Variants in ANXA6 observed in about 807,000 individuals in gnomAD.
ANXA6 encodes 67 kDa calelectrin.
ANXA6 carries 71 observed loss-of-function variants against 95.4 expected under a neutral mutation model. The observed-to-expected ratio is 0.74, with a 90% CI of 0.61 to 0.91. The LOEUF (loss-of-function observed/expected upper bound fraction) is 0.91. Among genes scored for constraint, ANXA6 ranks in the 40% least tolerant of loss-of-function variants. ANXA6 has a pLI of 0.00. For missense variants in ANXA6, 830 were observed against 876.4 expected (o/e 0.95, Z 0.67); for synonymous variants, 289 against 315.9 (o/e 0.91, Z 0.90).
chr5:151,138,864 A>C, intron 4 of ANXA6, 73 bp from the exon 5 acceptor site: 1 of 1,037,284 alleles, frequency 9.6e-7, no homozygotes, highest in Non-Finnish European at 1.5e-6. Context: ...AATTACACTT[A>C]ATGAGCACTT....
intron 4 of ANXA6, 150 bp downstream of exon 4, chr5:151,139,203 C>T: frequency 1.6e-6 from 1 of 622,228 alleles, no homozygotes; most frequent in Non-Finnish European, 2.8e-6. Flanking sequence ...GAAAGACGCC[C>T]AGCTGATGAG....
intron 22 of ANXA6, among the ~76,000 whole-genome samples, chr5:151,109,046 C>A (rs780911456): frequency 2.6e-5 from 4 of 152,100 alleles, no homozygotes; most frequent in African/African-American, 9.7e-5. Flanking sequence ...ACAATCATCT[C>A]GGGTAGAGCT....
intron 8 of ANXA6, 68 bp downstream of exon 8, chr5:151,134,359 G>T: frequency 6.5e-7 from 1 of 1,537,006 alleles, no homozygotes; most frequent in Non-Finnish European, 9.0e-7. Flanking sequence ...CCCTTCCCAG[G>T]GCCCCAACCT....
At chr5:151,156,259 T>C (rs556822448) in intron 1 of ANXA6, among the ~76,000 whole-genome samples, 13 of 152,270 alleles carry the variant, frequency 8.5e-5, no homozygotes, top group African/African-American at 3.1e-4. Flanking sequence ...TCCTAGAATG[T>C]CTGCACTGGC....
chr5:151,119,412 G>T (rs758931269), intron 17 of ANXA6, 22 bp from the exon 18 acceptor site: 4 of 1,609,242 alleles, frequency 2.5e-6, no homozygotes, highest in Non-Finnish European at 3.4e-6. Flanking sequence ...AGGCAAAGAT[G>T]ATCTCAGCCA....
chr5:151,111,868 A>G (rs1764859452), intron 20 of ANXA6, among the ~76,000 whole-genome samples: 1 of 152,062 alleles, frequency 6.6e-6, no homozygotes, highest in South Asian at 2.1e-4. Flanking sequence ...AGCTCACTGC[A>G]ACCTCCACCT....
At chr5:151,114,741 G>A (rs1475787792) in intron 20 of ANXA6, among the ~76,000 whole-genome samples, 1 of 150,218 alleles carries the variant, frequency 6.7e-6, no homozygotes, top group Non-Finnish European at 1.5e-5. Context: ...TTGGACAACA[G>A]AGTGAAAGGG....
chr5:151,128,686 T>A (rs1179206477), intron 12 of ANXA6, among the ~76,000 whole-genome samples: 1 of 152,202 alleles, frequency 6.6e-6, no homozygotes, highest in African/African-American at 2.4e-5. Context: ...ATTACACAGA[T>A]GCACATATCC....
chr5:151,119,323 G>A lies in ANXA6; in HGVS notation c.1415C>T (p.Ala472Val). ...ACCCTCCTTATAGGCCTCATTGATG[G>A]CCCGGATTTCAGCATTGGTCCGAGT... ...LATRTNAEIR[A>V]INEAYKEDYH... Residue 472 changes from alanine to valine, a missense_variant, in exon 18 of 26, where the codon GCC (alanine) becomes GTC (valine). Physicochemically the swap from Ala to Val is moderately conservative, Grantham distance 64. Coordinates refer to ENST00000354546, the MANE Select transcript of ANXA6 (RefSeq NM_001155.5). 1 of 1,613,382 alleles carries A rather than the reference G, an allele frequency of 6.2e-7. No individual in the cohort carries two copies. Among genetic ancestry groups the A allele is most frequent in the Non-Finnish European group, 8.5e-7 (1 of 1,179,838 alleles).
intron 2 of ANXA6, chr5:151,140,594 A>ATATATATATATATT (rs201589041): frequency 2.8e-5 from 4 of 141,612 alleles, no homozygotes; most frequent in Admixed American, 1.4e-4. Flanking sequence ...ATATATATAT[A>ATATATATATATATT]TATATATATA....
At chr5:151,128,946 C>CAAA (rs372400204) in intron 12 of ANXA6, among the ~76,000 whole-genome samples, 4 of 127,778 alleles carry the variant, frequency 3.1e-5, no homozygotes, top group African/African-American at 8.6e-5. Flanking sequence ...TTCAGTCATC[C>CAAA]AAAAAAAAAA....
intron 1 of ANXA6, among the ~76,000 whole-genome samples, chr5:151,149,179 CAAAAAAAAAA>C (rs36120948): frequency 8.5e-5 from 4 of 47,296 alleles, no homozygotes; most frequent in Non-Finnish European, 1.5e-4. Context: ...AGCCCTGTCT[CAAAAAAAAAA>C]AAAAAAAAAA....
chr5:151,111,622 TC>T (rs1764851699), intron 20 of ANXA6, among the ~76,000 whole-genome samples: 3 of 152,338 alleles, frequency 2.0e-5, no homozygotes, highest in Non-Finnish European at 4.4e-5. Flanking sequence ...AGGGTCTTGC[TC>T]TGTTGCCCAG....
intron 25 of ANXA6, 138 bp downstream of exon 25, chr5:151,103,432 C>A: frequency 1.4e-6 from 1 of 691,770 alleles, no homozygotes; most frequent in Non-Finnish European, 2.3e-6. Flanking sequence ...GCAATACAGA[C>A]CCCCTTTCAT....
chr5:151,126,579 CAT>C (rs762380103), intron 13 of ANXA6, 99 bp from the exon 14 acceptor site: 9 of 873,120 alleles, frequency 1.0e-5, no homozygotes, highest in Non-Finnish European at 1.1e-5. Context: ...CACCCCAACA[CAT>C]ACACACACGT....
chr5:151,138,285 T>C (rs1765724476), intron 5 of ANXA6, among the ~76,000 whole-genome samples: 1 of 152,224 alleles, frequency 6.6e-6, no homozygotes, highest in East Asian at 1.9e-4. Flanking sequence ...TTGACACTGC[T>C]ATCCACCAAA....
chr5:151,107,144 C>T (rs1202855176), intron 23 of ANXA6, among the ~76,000 whole-genome samples: 1 of 152,190 alleles, frequency 6.6e-6, no homozygotes, highest in Admixed American at 6.5e-5. Context: ...TGTAACTAAA[C>T]CTGCGTGCAA....
At chr5:151,102,675 G>A (rs1448283231) in intron 25 of ANXA6, among the ~76,000 whole-genome samples, 2 of 152,160 alleles carry the variant, frequency 1.3e-5, no homozygotes, top group Non-Finnish European at 2.9e-5. Flanking sequence ...CTGCACTCCA[G>A]CCTGGGCGAC....
At chr5:151,108,663 G>T in intron 22 of ANXA6, 113 bp from the exon 23 acceptor site, 1 of 884,982 alleles carries the variant, frequency 1.1e-6, no homozygotes. Flanking sequence ...AAAGTGGAAG[G>T]GCAGCAAATA....
Sources: gnomAD v4.1 joint callset for allele counts (sites outside exome capture counted in the v4.1 genomes callset) on GRCh38, gnomAD v4.1.1 for gene constraint, MANE v1.5 for transcripts, NCBI Gene and HGNC (gene_info 2026-07-23, HGNC 2026-07-21) for gene names.